The following ADAMTS12 variants were observed in gnomAD, a reference collection of about 807,000 sequenced individuals.
ADAMTS12 encodes ADAM metallopeptidase with thrombospondin type 1 motif 12, also known as A disintegrin and metalloproteinase with thrombospondin motifs 12.
Under a neutral mutation model 167.8 loss-of-function variants are expected in ADAMTS12, and 118 were observed. The ratio of observed to expected loss-of-function variants is 0.70; its 90% CI spans 0.61 to 0.82. The LOEUF is 0.82. Among genes scored for constraint, ADAMTS12 ranks in the 40% least tolerant of loss-of-function variants. The pLI is 0.00. For missense variants in ADAMTS12, 1,916 were observed against 1,998.8 expected, an observed-to-expected ratio of 0.96 and a Z score of 0.79; for synonymous variants, 704 against 716.9, an observed-to-expected ratio of 0.98 and a Z score of 0.29.
intron 14 of ADAMTS12, among the ~76,000 whole-genome samples, chr5:33,618,889 C>T (rs572428765): frequency 1.4e-4 from 22 of 152,304 alleles, no homozygotes; most frequent in Middle Eastern, 6.8e-3. Context: ...GCATCTTCAA[C>T]GTTGTAATCC....
intron 21 of ADAMTS12, among the ~76,000 whole-genome samples, chr5:33,548,069 G>A (rs1335040173): frequency 6.6e-6 from 1 of 152,204 alleles, no homozygotes; most frequent in African/African-American, 2.4e-5. Context: ...TGGCCGGTGG[G>A]TGGTAAGTAA....
intron 22 of ADAMTS12, among the ~76,000 whole-genome samples, chr5:33,540,576 T>C (rs998785769): frequency 1.3e-5 from 2 of 152,198 alleles, no homozygotes; most frequent in African/African-American, 4.8e-5. Context: ...AGACACATCA[T>C]ATAGGCAGCT....
chr5:33,591,800 C>T (rs905717376), intron 17 of ADAMTS12, among the ~76,000 whole-genome samples: 2 of 152,074 alleles, frequency 1.3e-5, no homozygotes, highest in African/African-American at 4.8e-5. Flanking sequence ...AGACATTTTT[C>T]GTCGTCACAA....
intron 2 of ADAMTS12, among the ~76,000 whole-genome samples, chr5:33,754,488 G>A (rs184452532): frequency 1.3e-5 from 2 of 152,284 alleles, no homozygotes; most frequent in Non-Finnish European, 2.9e-5. Flanking sequence ...CAGTATCCAG[G>A]AGTCTCTGCA....
intron 2 of ADAMTS12, among the ~76,000 whole-genome samples, chr5:33,775,109 G>A (rs1265050192): frequency 6.6e-6 from 1 of 152,110 alleles, no homozygotes; most frequent in Non-Finnish European, 1.5e-5. Context: ...CAGTGTTTGG[G>A]AACCACTGGA....
At chr5:33,872,377 C>G (rs1165023627) in intron 2 of ADAMTS12, among the ~76,000 whole-genome samples, 1 of 151,902 alleles carries the variant, frequency 6.6e-6, no homozygotes, top group African/African-American at 2.4e-5. Flanking sequence ...AACCCCGTCT[C>G]CACTAAAAAA....
intron 23 of ADAMTS12, among the ~76,000 whole-genome samples, chr5:33,531,673 T>A (rs1744108789): frequency 6.6e-6 from 1 of 152,190 alleles, no homozygotes; most frequent in Admixed American, 6.5e-5. Flanking sequence ...CCAGAACATC[T>A]TCTTTTTCTC....
At chr5:33,675,124 G>A (rs770712547) in intron 5 of ADAMTS12, among the ~76,000 whole-genome samples, 7 of 152,128 alleles carry the variant, frequency 4.6e-5, no homozygotes, top group Non-Finnish European at 8.8e-5. Flanking sequence ...AGAACTATGG[G>A]CCAAATAAAC....
intron 2 of ADAMTS12, among the ~76,000 whole-genome samples, chr5:33,799,145 C>T (rs1487674474): frequency 6.6e-6 from 1 of 152,136 alleles, no homozygotes; most frequent in African/African-American, 2.4e-5. Context: ...TGAGAACGAC[C>T]AGTGTGGGCA....
At chr5:33,546,273 C>T (rs370263637) in intron 21 of ADAMTS12, 71 bp from the exon 22 acceptor site, 160 of 1,429,534 alleles carry the variant, frequency 1.1e-4, no homozygotes, top group African/African-American at 1.8e-4. Context: ...TGAAGAACTT[C>T]GTACTGTCAT....
chr5:33,670,109 C>T (rs923758357), intron 5 of ADAMTS12, among the ~76,000 whole-genome samples: 14 of 150,720 alleles, frequency 9.3e-5, no homozygotes, highest in Admixed American at 4.0e-4. Flanking sequence ...ACATATTTGA[C>T]GAAAGACTTA....
At chr5:33,753,772 G>A (rs982591974) in intron 2 of ADAMTS12, among the ~76,000 whole-genome samples, 9 of 152,132 alleles carry the variant, frequency 5.9e-5, no homozygotes, top group Admixed American at 1.3e-4. Flanking sequence ...TCTTCCTAAA[G>A]GCTTACTCCA....
At chr5:33,751,661 C>T in intron 2 of ADAMTS12, 113 bp from the exon 3 acceptor site, 1 of 965,446 alleles carries the variant, frequency 1.0e-6, no homozygotes, top group African/African-American at 1.6e-5. Flanking sequence ...AAGACCAGTG[C>T]TTTCAGAGTC....
Position 33,576,417 on chromosome 5 carries a change from A to T in ADAMTS12, c.3609T>A (p.Asp1203Glu), listed in dbSNP as rs761938166. 20 of 1,613,278 alleles carry T rather than the reference A, an allele frequency of 1.2e-5. No homozygotes were observed. Among genetic ancestry groups the T allele is most frequent in the Admixed American group, 1.7e-5 (1 of 59,968 alleles). ...GTGGCCACCAGGACTCCCTGCTGAGATCTGGTGTTAGTGGAGGTGCAAGTG... is the reference window on the plus strand; with the variant it reads ...GTGGCCACCAGGACTCCCTGCTGAGTTCTGGTGTTAGTGGAGGTGCAAGTG... ...EMPLAPPLTP[D>E]LSRESWWPPF... Residue 1203 changes from aspartate to glutamate, a missense_variant, in exon 19 of 24, where the codon GAT (aspartate) becomes GAA (glutamate). Asp to Glu is a conservative substitution (Grantham distance 45). Transcript: ENST00000504830.
chr5:33,734,961 T>C (rs1744320406), intron 3 of ADAMTS12, among the ~76,000 whole-genome samples: 1 of 152,264 alleles, frequency 6.6e-6, no homozygotes, highest in South Asian at 2.1e-4. Context: ...TGTACCTTAA[T>C]GATTCTTGCT....
chr5:33,616,112 C>T, intron 14 of ADAMTS12, 40 bp from the exon 15 acceptor site: 1 of 1,605,618 alleles, frequency 6.2e-7, no homozygotes, highest in African/African-American at 1.3e-5. Flanking sequence ...GGCACGCCAG[C>T]TTCTCAGCTG....
rs1750416895 is a variant in ADAMTS12, at chr5:33,881,056, G to T, written c.489+63C>A. On this transcript the variant is annotated intron_variant, in intron 2 of 23. Transcript: ENST00000504830. ...TGCATCTGTGAACCTGTTGGTAGTA[G>T]GTCTACCAGCTGAGACTCTAGGGGC... 3.2e-6 allele frequency: 5 copies of T among 1,565,438 alleles called. No individual in the cohort carries two copies. In the South Asian group the frequency reaches 4.8e-5, roughly 15 times the overall value.
At chr5:33,640,083 G>T (rs1004409308) in intron 11 of ADAMTS12, among the ~76,000 whole-genome samples, 3 of 152,150 alleles carry the variant, frequency 2.0e-5, no homozygotes, top group African/African-American at 7.2e-5. Context: ...GCCGAGCTCT[G>T]CTGGGTTCTC....
intron 3 of ADAMTS12, among the ~76,000 whole-genome samples, chr5:33,735,054 A>G (rs894429278): frequency 2.0e-5 from 3 of 152,230 alleles, no homozygotes; most frequent in African/African-American, 7.2e-5. Context: ...TACATTTGAG[A>G]TAACAATAAC....
Sources: allele counts gnomAD v4.1 joint callset (sites outside exome capture counted in the v4.1 genomes callset), GRCh38; gene constraint gnomAD v4.1.1; transcripts MANE v1.5; gene names NCBI Gene and HGNC (gene_info 2026-07-23, HGNC 2026-07-21).